PTPN3: variants seen among roughly 807,000 people sequenced by gnomAD.
PTPN3 encodes protein tyrosine phosphatase non-receptor type 3.
PTPN3 carries 96 observed loss-of-function variants against 132.7 expected under a neutral mutation model. The ratio of observed to expected loss-of-function variants is 0.72; its 90% confidence interval spans 0.61 to 0.86. The LOEUF is 0.86. Ranked by LOEUF, PTPN3 falls within the 40% of genes least tolerant of loss-of-function variation. PTPN3 has a pLI of 0.00. For synonymous variants in PTPN3, 398 were observed against 429.0 expected (o/e 0.93, Z 0.89); for missense variants, 1,125 against 1,159.6 (o/e 0.97, Z 0.43).
intron 19 of PTPN3, chr9:109,397,915 T>C (rs1840733470): frequency 6.6e-6 from 1 of 152,076 alleles, no homozygotes; most frequent in African/African-American, 2.4e-5. Context: ...GATGATGTTT[T>C]CTTTCCTTAA....
At chr9:109,481,243 G>A (rs557781000) in intron 1 of PTPN3, among the ~76,000 whole-genome samples, 11 of 152,182 alleles carry the variant, frequency 7.2e-5, no homozygotes, top group Admixed American at 6.5e-4. Flanking sequence ...GGCATGGCAG[G>A]GACTTCCAAA....
At chr9:109,381,017 A>AAATGAATG (rs577928736) in intron 25 of PTPN3, among the ~76,000 whole-genome samples, 1 of 152,084 alleles carries the variant, frequency 6.6e-6, no homozygotes, top group South Asian at 2.1e-4. Flanking sequence ...CTTCTTTGTC[A>AAATGAATG]AATGAATGAA....
chr9:109,491,748 A>AG (rs1396941250), intron 1 of PTPN3, among the ~76,000 whole-genome samples: 1 of 152,248 alleles, frequency 6.6e-6, no homozygotes, highest in Non-Finnish European at 1.5e-5. Flanking sequence ...CATGGAGCTG[A>AG]GACCCACAGG....
At chr9:109,501,990 G>A (rs1847869257), upstream of PTPN3, among the ~76,000 whole-genome samples, 1 of 152,140 alleles carries the variant, frequency 6.6e-6, no homozygotes, top group Admixed American at 6.5e-5. Flanking sequence ...GACTGTACCT[G>A]GCTGAAAGAT....
chr9:109,410,088 T>C lies in PTPN3; in HGVS notation c.1501-12A>G. On this transcript the variant is annotated splice_polypyrimidine_tract_variant and intron_variant, in intron 15 of 25. Coordinates refer to ENST00000374541, the MANE Select transcript of PTPN3 (RefSeq NM_002829.4). ...TCACCATTATCATTCTGGAAAACGG[T>C]TTGAAAGTGGTCATTTGCATCACAT... is the stretch of plus-strand genomic sequence containing the variant. The C allele has an allele frequency of 6.2e-7, 1 of 1,614,180 alleles. No individual in the cohort carries two copies. The highest frequency in any genetic ancestry group is 1.3e-5 in the African/African-American group (1 of 75,044).
At chr9:109,481,564 C>T (rs1846959431) in intron 1 of PTPN3, among the ~76,000 whole-genome samples, 2 of 152,162 alleles carry the variant, frequency 1.3e-5, no homozygotes, top group Non-Finnish European at 2.9e-5. Context: ...TCTTCATGTG[C>T]CTGCTTAAAT....
In PTPN3 at chr9:109,420,432, C is replaced by T. The variant is rs116205878; in HGVS notation, c.1305G>A (p.Pro435=). 6.7e-4 allele frequency: 1,073 copies of T among 1,591,742 alleles called. 1 individual carries two copies. In the African/African-American group the frequency reaches 6.8e-3, roughly 10 times the overall value. The change falls in exon 14 of 26, where the codon CCG becomes CCA. Residue 435 remains proline, a synonymous_variant. Coordinates refer to ENST00000374541, the MANE Select transcript of PTPN3 (RefSeq NM_002829.4). The part of the protein sequence containing the change: ...SDSEVSQNRS[P]HQESLSENNP... ...CAACACGAGTTTCTTACTCTTGGTG[C>T]GGGCTTCGGTTCTGAGAAACTTCAG...
rs1353022762 is a variant in PTPN3 at position 109,389,288 on chromosome 9, C to T, written c.2198G>A (p.Trp733Ter). 3 of 1,614,096 alleles carry T rather than the reference C, an allele frequency of 1.9e-6. No homozygotes were observed. The highest frequency in any genetic ancestry group is 2.5e-6 in the Non-Finnish European group (3 of 1,180,052). ...GACAATGAGTGACAACTTCTGATCCCAGACAACCTGCCAAAACTGTGCACA... is the reference window on the plus strand; with the variant it reads ...GACAATGAGTGACAACTTCTGATCCTAGACAACCTGCCAAAACTGTGCACA... ...HTCAQFWQVVWDQKLSLIVML... is the reference protein window; with the variant it reads ...HTCAQFWQVV Residue 733 changes from tryptophan (W) to a stop codon, truncating the protein, a stop_gained, in exon 22 of 26, where the codon TGG (tryptophan) becomes TAG (stop). Transcript: ENST00000374541. LOFTEE classifies it high-confidence loss of function.
intron 5 of PTPN3, among the ~76,000 whole-genome samples, chr9:109,453,566 C>T (rs554364112): frequency 6.6e-6 from 1 of 152,268 alleles, no homozygotes; most frequent in African/African-American, 2.4e-5. Flanking sequence ...GGGAGAGACT[C>T]CAAGCCCTGA....
rs1217884252 is a variant in PTPN3, at chr9:109,463,369, T to C, written c.66A>G (p.Lys22=). The C allele has an allele frequency of 1.2e-6, 2 of 1,613,866 alleles. No individual in the cohort carries two copies. Among genetic ancestry groups the C allele is most frequent in the South Asian group, 1.1e-5 (1 of 91,038 alleles). ...INNIRTSELP[K]EKTRSEVICS... is the part of the protein sequence containing the mutation. The stretch of plus-strand genomic sequence containing the variant: ...AAATGACTTCTGATCGAGTTTTCTC[T>C]TTGGGTAACTCCGAGGTGCGTATAT... The change falls in exon 2 of 26, where the codon AAA becomes AAG. Residue 22 remains lysine (K), a synonymous_variant. Coordinates refer to ENST00000374541, the MANE Select transcript of PTPN3 (RefSeq NM_002829.4).
At chr9:109,524,610 G>A in the PTPN3 span, among the ~76,000 whole-genome samples, 1 of 152,208 alleles carries the variant, frequency 6.6e-6, no homozygotes, top group African/African-American at 2.4e-5. Flanking sequence ...GAATATAATT[G>A]TGTAAAAATA....
At chr9:109,506,656 G>A in the PTPN3 span, among the ~76,000 whole-genome samples, 1 of 149,110 alleles carries the variant, frequency 6.7e-6, no homozygotes, top group Non-Finnish European at 1.5e-5. Context: ...AGGCAGGAGT[G>A]CAGAGGTACA....
chr9:109,412,144 T>A (rs78819065), intron 14 of PTPN3, among the ~76,000 whole-genome samples: 5,745 of 152,184 alleles, frequency 0.038, 145 homozygotes, highest in East Asian at 0.15. Flanking sequence ...CAGTTCTCGT[T>A]CTGTCTGTCT....
At position 109,426,843 on chromosome 9, in the gene PTPN3, T is replaced by C; in HGVS notation, c.1001+107A>G. On this transcript the variant is annotated intron_variant, in intron 12 of 25. Transcript: ENST00000374541. The stretch of plus-strand genomic sequence containing the variant: ...TCAGAGATCCAATGCCTGGAGCCCC[T>C]GGGCTATGGGTTTCCTCCTCTGCCT... 3.1e-6 allele frequency: 4 copies of C among 1,270,190 alleles called. No individual in the cohort carries two copies. In the South Asian group the frequency reaches 6.0e-5, roughly 19 times the overall value. 78.7% of individuals were successfully genotyped at this position (1,270,190 alleles called of 1,614,324 possible).
At chr9:109,384,669 T>C (rs1839415174) in intron 22 of PTPN3, among the ~76,000 whole-genome samples, 1 of 152,214 alleles carries the variant, frequency 6.6e-6, no homozygotes, top group Non-Finnish European at 1.5e-5. Flanking sequence ...TCCTAAGTCA[T>C]TAAACAAGCA....
At chr9:109,476,437 GA>G (rs1168745881) in intron 1 of PTPN3, among the ~76,000 whole-genome samples, 2 of 151,626 alleles carry the variant, frequency 1.3e-5, no homozygotes, top group Admixed American at 6.6e-5. Flanking sequence ...AAAAGGTAAA[GA>G]AAAAAAGGAA....
At chr9:109,411,463 C>T (rs1229745706) in intron 14 of PTPN3, among the ~76,000 whole-genome samples, 1 of 152,102 alleles carries the variant, frequency 6.6e-6, no homozygotes, top group African/African-American at 2.4e-5. Context: ...AGGACAGGAC[C>T]CTTGAGTCTC....
the PTPN3 span, among the ~76,000 whole-genome samples, chr9:109,514,056 C>T: frequency 6.6e-6 from 1 of 152,060 alleles, no homozygotes; most frequent in African/African-American, 2.4e-5. Context: ...GACTCCAAGC[C>T]GCATGTCCCA....
rs1845617691 is a variant in PTPN3, at chr9:109,457,351, C to A, written c.187G>T (p.Gly63Cys). Residue 63 changes from glycine to cysteine, a missense_variant, in exon 3 of 26, where the codon GGT becomes TGT. Gly to Cys is a radical substitution (Grantham distance 159). Coordinates refer to ENST00000374541, the MANE Select transcript of PTPN3 (RefSeq NM_002829.4). ...CCAAAATATTCCTTTTCAGTCACAC[C>A]CAGGTGGTTGTGCACCATATCCAGA... ...VLLDMVHNHL[G>C]VTEKEYFGLQ... The A allele has an allele frequency of 6.2e-7, 1 of 1,614,164 alleles. No individual in the cohort carries two copies. The highest frequency in any genetic ancestry group is 8.5e-7 in the Non-Finnish European group (1 of 1,180,038).
Sources: allele counts gnomAD v4.1 joint callset (sites outside exome capture counted in the v4.1 genomes callset), GRCh38; gene constraint gnomAD v4.1.1; transcripts MANE v1.5; gene names NCBI Gene and HGNC (gene_info 2026-07-23, HGNC 2026-07-21).